Variants in TMEM144 observed in about 807,000 individuals in gnomAD.
The protein encoded by TMEM144 is transmembrane protein 144.
A neutral mutation model predicts 43.6 loss-of-function variants in TMEM144; 39 were observed. The observed-to-expected ratio is 0.90, with a 90% confidence interval of 0.69 to 1.17. TMEM144 has a LOEUF of 1.17. Ranked by LOEUF, TMEM144 falls within the 50% of genes most tolerant of loss-of-function variation. The pLI, the probability that TMEM144 is intolerant of heterozygous loss-of-function variation, is 0.00. For missense variants in TMEM144, 417 were observed against 411.9 expected (o/e 1.01, Z -0.11); for synonymous variants, 154 against 133.6 (o/e 1.15, Z -1.06).
chr4:158,236,272 TTGAA>T (rs36045843), intron 8 of TMEM144, among the ~76,000 whole-genome samples: 25,693 of 151,998 alleles, frequency 0.17, 2,804 homozygotes, highest in Non-Finnish European at 0.25. Flanking sequence ...TTTGAATAAT[TTGAA>T]TGAATGAAAG....
intron 12 of TMEM144, 37 bp downstream of exon 12, chr4:158,244,386 TGGGGTAGGCCGGGC>T (rs778164193): frequency 1.3e-6 from 2 of 1,567,738 alleles, no homozygotes; most frequent in Non-Finnish European, 1.8e-6. Flanking sequence ...AAAATGGGAA[TGGGGTAGGCCGGGC>T]GTGGTGGCTC....
chr4:158,216,616 A>G (rs1734235111), intron 4 of TMEM144, among the ~76,000 whole-genome samples: 1 of 152,190 alleles, frequency 6.6e-6, no homozygotes, highest in Admixed American at 6.6e-5. Context: ...AGCTGAAATC[A>G]TGAAATTAGG....
At chr4:158,241,356 A>G (rs967152287) in intron 10 of TMEM144, among the ~76,000 whole-genome samples, 153 bp from the exon 11 acceptor site, 3 of 152,212 alleles carry the variant, frequency 2.0e-5, no homozygotes, top group African/African-American at 7.2e-5. Flanking sequence ...TTGCTCTAAA[A>G]TAACAATAAA....
At position 158,215,289 on chromosome 4, in the gene TMEM144, C is replaced by T. The variant is rs769041776; in HGVS notation, c.208C>T (p.Leu70Phe). Residue 70 changes from leucine to phenylalanine, a missense_variant, in exon 4 of 13, where the codon CTT (leucine) becomes TTT (phenylalanine). By Grantham distance (22) the Leu-to-Phe change is conservative. Transcript: ENST00000296529. The part of the protein sequence containing the change: ...HCPKFWPFAM[L>F]GGCIWATGNI... ...TCCAAAGTTTTGGCCTTTTGCAATG[C>T]TTGGGGGCTGCATTTGGGCAACAGG... is the stretch of plus-strand genomic sequence containing the variant. The T allele has an allele frequency of 1.2e-6, 2 of 1,613,672 alleles. No individual in the cohort carries two copies. The highest frequency in any genetic ancestry group is 2.7e-5 in the African/African-American group (2 of 74,996).
chr4:158,252,905 C>T (rs1736283314), intron 12 of TMEM144, among the ~76,000 whole-genome samples: 1 of 152,054 alleles, frequency 6.6e-6, no homozygotes, highest in Non-Finnish European at 1.5e-5. Context: ...CTCCACTTAA[C>T]TTTGATTGCT....
chr4:158,225,162 T>G (rs1734699564), intron 6 of TMEM144, among the ~76,000 whole-genome samples: 1 of 152,220 alleles, frequency 6.6e-6, no homozygotes, highest in Non-Finnish European at 1.5e-5. Flanking sequence ...ACAGGGCCAT[T>G]GCTGCTAACG....
intron 12 of TMEM144, among the ~76,000 whole-genome samples, chr4:158,245,727 C>A (rs569076534): frequency 1.1e-4 from 17 of 152,146 alleles, no homozygotes; most frequent in African/African-American, 4.1e-4. Context: ...GAGTTTGAGA[C>A]CAGCCTAGGC....
chr4:158,248,959 T>A (rs1308482853), intron 12 of TMEM144, among the ~76,000 whole-genome samples: 1 of 152,108 alleles, frequency 6.6e-6, no homozygotes, highest in Non-Finnish European at 1.5e-5. Context: ...CACGGTGGAG[T>A]GGAGTGATGC....
intron 6 of TMEM144, among the ~76,000 whole-genome samples, chr4:158,230,228 G>A (rs1364785471): frequency 6.6e-6 from 1 of 152,206 alleles, no homozygotes; most frequent in Non-Finnish European, 1.5e-5. Context: ...CTGGGGTGTG[G>A]GGGTCCTGCA....
chr4:158,228,768 G>A (rs565218736), intron 6 of TMEM144, among the ~76,000 whole-genome samples: 3 of 152,200 alleles, frequency 2.0e-5, no homozygotes, highest in South Asian at 2.1e-4. Context: ...AGGAGGAGCC[G>A]CAGACAAAAC....
At chr4:158,244,495 C>G (rs575477636) in intron 12 of TMEM144, 146 bp downstream of exon 12, 8 of 590,978 alleles carry the variant, frequency 1.4e-5, no homozygotes, top group Non-Finnish European at 2.1e-5. Flanking sequence ...GATGGTGAAA[C>G]CCCGTCTCTA....
intron 12 of TMEM144, among the ~76,000 whole-genome samples, chr4:158,247,449 A>G (rs774321529): frequency 3.3e-5 from 5 of 152,054 alleles, no homozygotes; most frequent in Non-Finnish European, 5.9e-5. Context: ...AAATGTACAC[A>G]TTGTGATTTC....
intron 8 of TMEM144, among the ~76,000 whole-genome samples, chr4:158,236,219 G>C (rs904287924): frequency 2.0e-5 from 3 of 152,100 alleles, no homozygotes. Context: ...TGTTTACAGG[G>C]GGAAAGAGCA....
In TMEM144 at chr4:158,238,620, T is replaced by C. The variant is rs183472952; in HGVS notation, c.682+977T>C. Reference sequence around the variant, plus strand: ...AAAGAAAGAAAAACAAGAGTGGGTATATAAAAGGAACCAGAAACGAATCTA... The same window carrying C: ...AAAGAAAGAAAAACAAGAGTGGGTACATAAAAGGAACCAGAAACGAATCTA... On this transcript the variant is annotated intron_variant, in intron 9 of 12. Coordinates refer to ENST00000296529, the MANE Select transcript of TMEM144 (RefSeq NM_018342.5). 4.2e-3 allele frequency among the ~76,000 whole-genome samples: 632 copies of C among 152,272 alleles called. 4 individuals are homozygous for C. Among genetic ancestry groups the C allele is most frequent in the Non-Finnish European group, 6.5e-3 (441 of 68,012 alleles).
intron 4 of TMEM144, 65 bp downstream of exon 4, chr4:158,215,378 A>G: frequency 1.3e-6 from 2 of 1,550,318 alleles, no homozygotes; most frequent in South Asian, 2.4e-5. Context: ...TCTCGTTCAC[A>G]ATAGGAGGAA....
intron 6 of TMEM144, among the ~76,000 whole-genome samples, chr4:158,227,341 T>A (rs944507420): frequency 6.6e-6 from 1 of 152,102 alleles, no homozygotes; most frequent in Non-Finnish European, 1.5e-5. Context: ...CATCCACGGG[T>A]TACTGGGTTA....
At chr4:158,240,137 G>A (rs761697183) in intron 9 of TMEM144, among the ~76,000 whole-genome samples, 162 bp from the exon 10 acceptor site, 1 of 151,980 alleles carries the variant, frequency 6.6e-6, no homozygotes, top group Non-Finnish European at 1.5e-5. Flanking sequence ...CACCCGGCTC[G>A]GCCTCCCAAA....
In TMEM144 at chr4:158,232,944, A is replaced by G; in HGVS notation, c.457A>G (p.Thr153Ala). ...CATCAAAAGTGAAATACCAAATAAC[A>G]CGTGTTCCATGGATACCACTCCATT... ...LFIKSEIPNN[T>A]CSMDTTPLIT... Residue 153 changes from threonine to alanine, a missense_variant, in exon 7 of 13, where the codon ACG becomes GCG. Coordinates refer to ENST00000296529, the MANE Select transcript of TMEM144 (RefSeq NM_018342.5). The G allele has an allele frequency of 6.2e-7, 1 of 1,612,110 alleles. No individual in the cohort carries two copies. Among genetic ancestry groups the G allele is most frequent in the South Asian group, 1.1e-5 (1 of 90,674 alleles).
At chr4:158,214,461 A>T (rs1734119148) in intron 3 of TMEM144, among the ~76,000 whole-genome samples, 1 of 152,200 alleles carries the variant, frequency 6.6e-6, no homozygotes, top group Non-Finnish European at 1.5e-5. Context: ...CTGCCTCAGT[A>T]TTTCTTTCAA....
Sources: allele counts gnomAD v4.1 joint callset (sites outside exome capture counted in the v4.1 genomes callset), GRCh38; gene constraint gnomAD v4.1.1; transcripts MANE v1.5; gene names NCBI Gene and HGNC (gene_info 2026-07-23, HGNC 2026-07-21).